Variants in PAX5 observed in about 807,000 individuals in gnomAD.
The protein encoded by PAX5 is paired box protein Pax-5.
A neutral mutation model predicts 43.7 loss-of-function variants in PAX5; 9 were observed. That is an observed-to-expected ratio of 0.21 (90% confidence interval 0.12 to 0.36). PAX5 has a LOEUF of 0.36. Ranked by LOEUF, PAX5 falls within the 10% of genes least tolerant of loss-of-function variation. PAX5 has a pLI of 1.00. For synonymous variants in PAX5, 228 were observed against 214.3 expected (o/e 1.06, Z -0.56); for missense variants, 383 against 532.7 (o/e 0.72, Z 2.77).
chr9:37,000,324 C>A (rs539413360), intron 5 of PAX5, among the ~76,000 whole-genome samples: 28 of 152,274 alleles, frequency 1.8e-4, no homozygotes, highest in Middle Eastern at 3.4e-3. Context: ...GTTTGTCCCC[C>A]ACTCTTTCCA....
In PAX5 at chr9:36,882,213, C is replaced by T. The variant is rs1400737983; in HGVS notation, c.911-108G>A. On this transcript the variant is annotated intron_variant, in intron 7 of 9. Transcript: ENST00000358127. This position sits in a 1 kb window ranked among gnomAD's most constrained non-coding sequence, Gnocchi z 4.4. ...ACATTTGTCACGTTTGGACGCTGAA[C>T]GGCAATGTGCCCCCAGCTCCCCCCT... 3.6e-5 allele frequency: 29 copies of T among 809,888 alleles called. No individual in the cohort carries two copies. Among genetic ancestry groups the T allele is most frequent in the South Asian group, 9.0e-5 (5 of 55,316 alleles). The allele number at this position is 809,888 out of a possible 1,614,324, so 50.2% of individuals were successfully genotyped here.
intron 5 of PAX5, among the ~76,000 whole-genome samples, chr9:36,996,214 A>T (rs1588174611): frequency 6.6e-6 from 1 of 152,358 alleles, no homozygotes; most frequent in East Asian, 1.9e-4. Context: ...CCTCAAACAT[A>T]GGCCTCTCCG....
At chr9:37,003,718 T>C (rs1838142965) in intron 4 of PAX5, among the ~76,000 whole-genome samples, 1 of 152,170 alleles carries the variant, frequency 6.6e-6, no homozygotes, top group South Asian at 2.1e-4. Context: ...AAGCCTATAA[T>C]CCCAGCTACT....
intron 7 of PAX5, chr9:36,923,117 C>T (rs1241037269): frequency 2.1e-6 from 1 of 472,442 alleles, no homozygotes; most frequent in South Asian, 4.8e-5. Context: ...CAAGTCCCCT[C>T]CAGCCCACAG....
chr9:36,984,272 G>T (rs1836186433), intron 5 of PAX5, among the ~76,000 whole-genome samples: 1 of 152,048 alleles, frequency 6.6e-6, no homozygotes, highest in African/African-American at 2.4e-5. Flanking sequence ...CTAAGACTGG[G>T]GTGAGGTGTA....
At chr9:37,011,129 A>C (rs1471173357) in intron 3 of PAX5, among the ~76,000 whole-genome samples, 3 of 113,712 alleles carry the variant, frequency 2.6e-5, no homozygotes, top group African/African-American at 1.2e-4. Context: ...TCAAAAAAAC[A>C]AAAAAAAAAA....
At chr9:36,981,194 C>A (rs76700460) in intron 5 of PAX5, among the ~76,000 whole-genome samples, 33 of 140,772 alleles carry the variant, frequency 2.3e-4, no homozygotes, top group South Asian at 1.2e-3. Flanking sequence ...AGCCCCCCCC[C>A]CCTCAGCCCT....
At chr9:37,020,925 C>G (rs981733516) in intron 1 of PAX5, 124 bp from the exon 2 acceptor site, 2 of 942,270 alleles carry the variant, frequency 2.1e-6, no homozygotes, top group East Asian at 5.0e-5. Flanking sequence ...GGATGTCTCG[C>G]GCCTGGAGTC....
intron 7 of PAX5, among the ~76,000 whole-genome samples, chr9:36,899,065 T>C (rs767909942): frequency 1.3e-5 from 2 of 152,170 alleles, no homozygotes; most frequent in Non-Finnish European, 2.9e-5. Flanking sequence ...GCATCTCTAC[T>C]GGGGTGGTAT....
chr9:36,888,342 T>C (rs1215643911), intron 7 of PAX5, among the ~76,000 whole-genome samples: 1 of 152,246 alleles, frequency 6.6e-6, no homozygotes, highest in East Asian at 1.9e-4. Flanking sequence ...TTATTCATGA[T>C]AGCCAAAAAG....
At chr9:36,848,390 G>GCTC (rs1259830899) in intron 8 of PAX5, among the ~76,000 whole-genome samples, 1 of 15,914 alleles carries the variant, frequency 6.3e-5, no homozygotes, top group Non-Finnish European at 2.6e-4. Flanking sequence ...ACATGCTCGC[G>GCTC]CTCCTCCTCG....
Position 36,835,837 on chromosome 9 carries a change from G to A in PAX5, c.*4723C>T, listed in dbSNP as rs1821603922. On this transcript the variant is annotated 3_prime_UTR_variant, in exon 10 of 10. Coordinates refer to ENST00000358127, the MANE Select transcript of PAX5 (RefSeq NM_016734.3). ...GAGCCGGTCTAGCTCAGAGCCCTGTGGGATCCACCCATGCCTGCCTGGGCC... is the reference window on the plus strand; with the variant it reads ...GAGCCGGTCTAGCTCAGAGCCCTGTAGGATCCACCCATGCCTGCCTGGGCC... 1 of 233,306 alleles carries A rather than the reference G, an allele frequency of 4.3e-6. No individual in the cohort carries two copies. The highest frequency in any genetic ancestry group is 5.6e-5 in the Admixed American group (1 of 17,778). 14.5% of individuals were successfully genotyped at this position (233,306 alleles called of 1,614,324 possible).
At position 36,836,265 on chromosome 9, in the gene PAX5, G is replaced by C. The variant is rs1044621389; in HGVS notation, c.*4295C>G. 1.3e-5 allele frequency: 3 copies of C among 233,286 alleles called. No individual in the cohort carries two copies. The highest frequency in any genetic ancestry group is 2.5e-5 in the Non-Finnish European group (3 of 118,176). The allele number at this position is 233,286 out of a possible 1,614,324, so 14.5% of individuals were successfully genotyped here. ...TTCCACCCAACTCCATCTTCAAAGC[G>C]CAAGACTTGCAAGAGCCCAAGATGA... is the stretch of plus-strand genomic sequence containing the variant. On this transcript the variant is annotated 3_prime_UTR_variant, in exon 10 of 10. Coordinates refer to ENST00000358127, the MANE Select transcript of PAX5 (RefSeq NM_016734.3).
At chr9:36,939,653 C>T (rs1831869499) in intron 6 of PAX5, among the ~76,000 whole-genome samples, 1 of 152,186 alleles carries the variant, frequency 6.6e-6, no homozygotes, top group Non-Finnish European at 1.5e-5. Context: ...GTATGGCCAG[C>T]TCCTGACAGC....
At chr9:36,864,233 G>GC (rs1485617500) in intron 8 of PAX5, 1 of 154,456 alleles carries the variant, frequency 6.5e-6, no homozygotes, top group Non-Finnish European at 1.5e-5. Context: ...AGACAGAAAG[G>GC]TGACTTCCCT....
At chr9:36,851,906 G>T (rs1162453810) in intron 8 of PAX5, among the ~76,000 whole-genome samples, 1 of 152,186 alleles carries the variant, frequency 6.6e-6, no homozygotes, top group Non-Finnish European at 1.5e-5. Context: ...CTCTGCTGTT[G>T]CCCAGAGCTG....
At chr9:36,914,675 T>C (rs1367146814) in intron 7 of PAX5, among the ~76,000 whole-genome samples, 7 of 152,224 alleles carry the variant, frequency 4.6e-5, no homozygotes, top group Non-Finnish European at 8.8e-5. Flanking sequence ...AAAGGGGCAC[T>C]GTGAATATAT....
Position 36,882,032 on chromosome 9 carries a change from T to C in PAX5, c.984A>G (p.Ser328=), listed in dbSNP as rs369633801. The C allele has an allele frequency of 1.9e-6, 3 of 1,613,166 alleles. No individual in the cohort carries two copies. In the African/African-American group the frequency reaches 4.0e-5, roughly 22 times the overall value. Residue 328 remains serine, a synonymous_variant, in exon 8 of 10, where the codon TCA becomes TCG. Transcript: ENST00000358127. The surrounding 1 kb of genome is among the most constrained non-coding windows in gnomAD (Gnocchi z 4.4). ...GCACCATCCCTGTCAGCGTCGGTGCTGAGTAGCTGCCCTGTCCAGCGGGGG... is the reference window on the plus strand; with the variant it reads ...GCACCATCCCTGTCAGCGTCGGTGCCGAGTAGCTGCCCTGTCCAGCGGGGG... ...HVPPAGQGSY[S]APTLTGMVPG...
chr9:37,016,147 T>TA (rs1353421593), intron 2 of PAX5, among the ~76,000 whole-genome samples: 1 of 152,230 alleles, frequency 6.6e-6, no homozygotes, highest in Non-Finnish European at 1.5e-5. Flanking sequence ...ATGGGCAAGC[T>TA]AGGGCTGTTG....
Sources: allele counts gnomAD v4.1 joint callset (sites outside exome capture counted in the v4.1 genomes callset), GRCh38; gene constraint gnomAD v4.1.1; non-coding constraint Gnocchi (gnomAD v3.1); transcripts MANE v1.5; gene names NCBI Gene and HGNC (gene_info 2026-07-23, HGNC 2026-07-21).